The following YTHDC2 variants were observed in gnomAD, a reference collection of about 807,000 sequenced individuals.
YTHDC2 encodes YTH N6-methyladenosine RNA binding protein C2.
Under a neutral mutation model 174.9 loss-of-function variants are expected in YTHDC2, and 45 were observed. The ratio of observed to expected loss-of-function variants is 0.26; its 90% CI spans 0.20 to 0.33. The LOEUF is 0.33. Ranked by LOEUF, YTHDC2 falls within the 10% of genes least tolerant of loss-of-function variation. The probability of loss-of-function intolerance (pLI) is 1.00; values close to 1 mark genes in which losing one functional copy is unlikely to be tolerated. For synonymous variants in YTHDC2, 657 were observed against 574.5 expected, an observed-to-expected ratio of 1.14 and a Z score of -2.05; for missense variants, 1,650 against 1,723.7, an observed-to-expected ratio of 0.96 and a Z score of 0.76.
chr5:113,517,883 T>C (rs1773575578), intron 2 of YTHDC2, among the ~76,000 whole-genome samples: 3 of 152,082 alleles, frequency 2.0e-5, no homozygotes, highest in African/African-American at 7.2e-5. Context: ...CCTTTGACTT[T>C]ATTTTATTTT....
chr5:113,576,509 T>A (rs1036114530), intron 23 of YTHDC2, among the ~76,000 whole-genome samples: 4 of 152,210 alleles, frequency 2.6e-5, no homozygotes, highest in African/African-American at 9.6e-5. Flanking sequence ...AATGTATAGA[T>A]ATTATTCATG....
intron 3 of YTHDC2, among the ~76,000 whole-genome samples, chr5:113,525,934 A>C (rs768018928): frequency 6.6e-6 from 1 of 152,138 alleles, no homozygotes; most frequent in Non-Finnish European, 1.5e-5. Flanking sequence ...TTTGAGCTAC[A>C]TGAATATAAA....
At chr5:113,560,128 T>C (rs534096544) in intron 17 of YTHDC2, among the ~76,000 whole-genome samples, 3 of 152,320 alleles carry the variant, frequency 2.0e-5, no homozygotes, top group African/African-American at 7.2e-5. Context: ...ATGAAAGTTT[T>C]TGTGGGAAAT....
chr5:113,553,365 T>TA lies in YTHDC2; in HGVS notation c.1867+7dup. 6.3e-7 allele frequency: 1 copy of TA among 1,590,418 alleles called. No individual in the cohort carries two copies. The highest frequency in any genetic ancestry group is 8.5e-7 in the Non-Finnish European group (1 of 1,172,990). On this transcript the variant is annotated splice_region_variant and intron_variant, in intron 13 of 29. Transcript: ENST00000161863. ...CTGCCATAGTTGTGATGCTGGTAAA[T>TA]ACGTGTTGTCTAAAAGAACTGGAGC...
intron 10 of YTHDC2, among the ~76,000 whole-genome samples, chr5:113,545,570 C>T (rs577297110): frequency 3.3e-5 from 5 of 152,024 alleles, no homozygotes; most frequent in African/African-American, 1.2e-4. Flanking sequence ...TTCTGCAAAA[C>T]CTGTTTCTCT....
chr5:113,546,794 TG>T (rs1284255491), intron 10 of YTHDC2, among the ~76,000 whole-genome samples: 1 of 152,206 alleles, frequency 6.6e-6, no homozygotes, highest in African/African-American at 2.4e-5. Context: ...TGAAGGTTTT[TG>T]GGGCTGGAGA....
chr5:113,533,220 T>C (rs911561861), intron 5 of YTHDC2, among the ~76,000 whole-genome samples, 175 bp downstream of exon 5: 1 of 151,950 alleles, frequency 6.6e-6, no homozygotes, highest in African/African-American at 2.4e-5. Flanking sequence ...GAATGAAGAG[T>C]TTGAAAAAGA....
intron 4 of YTHDC2, among the ~76,000 whole-genome samples, chr5:113,527,748 T>C (rs1580490871): frequency 1.0e-5 from 1 of 97,130 alleles, no homozygotes; most frequent in Non-Finnish European, 2.1e-5. Flanking sequence ...CATGATGAAA[T>C]TTTTTTCTGA....
At chr5:113,524,463 G>A (rs1774078890) in intron 2 of YTHDC2, among the ~76,000 whole-genome samples, 1 of 152,096 alleles carries the variant, frequency 6.6e-6, no homozygotes, top group South Asian at 2.1e-4. Flanking sequence ...TTATTTATCA[G>A]TAATGCTGAT....
At chr5:113,566,479 G>A (rs1777337219) in intron 21 of YTHDC2, among the ~76,000 whole-genome samples, 1 of 133,916 alleles carries the variant, frequency 7.5e-6, no homozygotes, top group Non-Finnish European at 1.5e-5. Flanking sequence ...GAGGATGCTA[G>A]TATTGCTATT....
chr5:113,538,577 A>G (rs907372928), intron 7 of YTHDC2, among the ~76,000 whole-genome samples: 2 of 151,770 alleles, frequency 1.3e-5, no homozygotes, highest in African/African-American at 4.8e-5. Flanking sequence ...TTCTTTTCAT[A>G]TGGCTTTGTT....
chr5:113,535,161 G>A (rs945739926), intron 6 of YTHDC2, among the ~76,000 whole-genome samples: 1 of 152,128 alleles, frequency 6.6e-6, no homozygotes, highest in Non-Finnish European at 1.5e-5. Flanking sequence ...TCAAACAACT[G>A]CAGGTTGAAA....
intron 10 of YTHDC2, among the ~76,000 whole-genome samples, chr5:113,543,411 G>A (rs1775619982): frequency 6.6e-6 from 1 of 152,060 alleles, no homozygotes; most frequent in Non-Finnish European, 1.5e-5. Context: ...TATTTACTTT[G>A]CATTCTAAAA....
At chr5:113,548,305 CCTT>C (rs1776021877) in intron 10 of YTHDC2, among the ~76,000 whole-genome samples, 1 of 152,130 alleles carries the variant, frequency 6.6e-6, no homozygotes, top group Non-Finnish European at 1.5e-5. Context: ...ATCGATCTTT[CCTT>C]CTCCTACCTT....
chr5:113,514,735 G>C (rs748111414), intron 1 of YTHDC2, among the ~76,000 whole-genome samples: 1 of 152,134 alleles, frequency 6.6e-6, no homozygotes, highest in Non-Finnish European at 1.5e-5. Context: ...TCTAGACAGA[G>C]AGATTCTAAA....
At chr5:113,561,725 C>A (rs533233235) in intron 18 of YTHDC2, among the ~76,000 whole-genome samples, 44 of 152,176 alleles carry the variant, frequency 2.9e-4, no homozygotes, top group Admixed American at 1.8e-3. Flanking sequence ...CCTCAGCCTC[C>A]CAAAGTGCTG....
At chr5:113,548,802 A>G (rs1413211941) in intron 11 of YTHDC2, 135 bp downstream of exon 11, 5 of 1,158,772 alleles carry the variant, frequency 4.3e-6, no homozygotes, top group Non-Finnish European at 5.8e-6. Flanking sequence ...TAATGGGTTA[A>G]TAATTTTGAA....
At position 113,584,767 on chromosome 5, in the gene YTHDC2, C is replaced by T. The variant is rs1475953393; in HGVS notation, c.3825+288C>T. On this transcript the variant is annotated intron_variant, in intron 26 of 29. Coordinates refer to ENST00000161863, the MANE Select transcript of YTHDC2 (RefSeq NM_022828.5). Reference sequence around the variant, plus strand: ...TTTATTATTTCTTTCCTATTTCTTTCGAATCCTTTTTTTTTTTTTTTTTTT... The same window carrying T: ...TTTATTATTTCTTTCCTATTTCTTTTGAATCCTTTTTTTTTTTTTTTTTTT... Among the ~76,000 whole-genome samples, 3 of 138,754 alleles carry T rather than the reference C, an allele frequency of 2.2e-5. No homozygotes were observed. The Admixed American group carries it at 2.2e-4, about 10-fold the overall frequency. The allele number at this position is 138,754 out of a possible 152,430, so 91.0% of individuals were successfully genotyped here. A position where few individuals can be genotyped will look rare whatever the true frequency, so the allele number is the denominator to read the frequency against.
rs76298030 is a variant in YTHDC2 at position 113,523,366 on chromosome 5, G to C, written c.279-1615G>C. Among the ~76,000 whole-genome samples the C allele has an allele frequency of 4.8e-4, 73 of 152,144 alleles. 1 individual carries two copies. In the East Asian group the frequency reaches 0.011, roughly 24 times the overall value. ...GCTGAATACTAGCCTCCTACCATTT[G>C]CTCTGGTGCTCAGTTCAGCTCACTT... On this transcript the variant is annotated intron_variant, in intron 2 of 29. Coordinates refer to ENST00000161863, the MANE Select transcript of YTHDC2 (RefSeq NM_022828.5).
Sources: allele counts gnomAD v4.1 joint callset (sites outside exome capture counted in the v4.1 genomes callset), GRCh38; gene constraint gnomAD v4.1.1; transcripts MANE v1.5; gene names NCBI Gene and HGNC (gene_info 2026-07-23, HGNC 2026-07-21).